ZNF423: variants seen among roughly 807,000 people sequenced by gnomAD.
ZNF423 encodes Ebf-associated zinc finger protein.
A neutral mutation model predicts 95.8 loss-of-function variants in ZNF423; 12 were observed. The ratio of observed to expected loss-of-function variants is 0.13; its 90% CI spans 0.08 to 0.20. ZNF423 has a LOEUF of 0.20. Ranked by LOEUF, ZNF423 falls within the 10% of genes least tolerant of loss-of-function variation. The pLI is 1.00. For synonymous variants in ZNF423, 749 were observed against 711.9 expected, an observed-to-expected ratio of 1.05 and a Z score of -0.83; for missense variants, 1,316 against 1,737.1, an observed-to-expected ratio of 0.76 and a Z score of 4.31.
At chr16:49,604,536 G>C (rs1199330873) in intron 5 of ZNF423, among the ~76,000 whole-genome samples, 1 of 152,112 alleles carries the variant, frequency 6.6e-6, no homozygotes, top group East Asian at 1.9e-4. Flanking sequence ...ATATTAAATA[G>C]TTGCATCACC....
chr16:49,723,939 G>A (rs570940752), intron 3 of ZNF423, among the ~76,000 whole-genome samples: 2 of 152,318 alleles, frequency 1.3e-5, no homozygotes, highest in East Asian at 3.9e-4. Context: ...AATCTGAGCT[G>A]GTTCCTGTCC....
chr16:49,673,397 C>G (rs2030903389), intron 3 of ZNF423, among the ~76,000 whole-genome samples: 1 of 152,210 alleles, frequency 6.6e-6, no homozygotes. Context: ...ATGATCATTT[C>G]ATAGGCATTA....
chr16:49,658,531 G>A (rs1384225348), intron 3 of ZNF423, among the ~76,000 whole-genome samples: 3 of 152,254 alleles, frequency 2.0e-5, no homozygotes, highest in African/African-American at 7.2e-5. Context: ...CTTTGTAGCT[G>A]GGCTGTTGAG....
chr16:49,637,580 C>A lies in ZNF423; in HGVS notation c.1596G>T (p.Met532Ile). 1.9e-6 allele frequency: 3 copies of A among 1,614,050 alleles called. No individual in the cohort carries two copies. Among genetic ancestry groups the A allele is most frequent in the Middle Eastern group, 3.3e-4 (2 of 6,062 alleles). The change falls in exon 4 of 8, where the codon ATG becomes ATT. Residue 532 changes from methionine to isoleucine, a missense_variant. Coordinates refer to ENST00000563137, the MANE Select transcript of ZNF423 (RefSeq NM_001379286.1). The surrounding 1 kb of genome is among the most constrained non-coding windows in gnomAD (Gnocchi z 5.6). The part of the protein sequence containing the change: ...NNAFFCNQCS[M>I]GFLTESSLTE... ...TGAGGGAGGACTCAGTAAGGAAACC[C>A]ATGGAGCACTGGTTGCAGAAGAAAG...
intron 2 of ZNF423, among the ~76,000 whole-genome samples, chr16:49,741,098 A>G (rs1409499648): frequency 6.6e-6 from 1 of 152,070 alleles, no homozygotes; most frequent in Non-Finnish European, 1.5e-5. Context: ...TACAGAAATG[A>G]GTGTACAAGC....
At chr16:49,643,989 G>A (rs1381126323) in intron 3 of ZNF423, among the ~76,000 whole-genome samples, 1 of 152,268 alleles carries the variant, frequency 6.6e-6, no homozygotes, top group Non-Finnish European at 1.5e-5. Context: ...GCTACAGTGT[G>A]TAAAACTGCC....
intron 2 of ZNF423, among the ~76,000 whole-genome samples, chr16:49,771,192 C>CTTTTTTTTTTTTTTTTTTTTT (rs71380376): frequency 1.1e-5 from 1 of 89,436 alleles, no homozygotes. Flanking sequence ...TTTTTTTTTT[C>CTTTTTTTTTTTTTTTTTTTTT]TTTTTTTTTT....
Position 49,855,390 on chromosome 16 carries a change from C to T in ZNF423, c.40+345G>A, listed in dbSNP as rs1370213820. 6.6e-6 allele frequency among the ~76,000 whole-genome samples: 1 copy of T among 151,216 alleles called. No individual in the cohort carries two copies. Among genetic ancestry groups the T allele is most frequent in the Non-Finnish European group, 1.5e-5 (1 of 67,638 alleles). ...CGGGCCAGCACCCCTTGATTGGCCA[C>T]ACGGGCCCGGGCCCCGCACGGAGGG... On this transcript the variant is annotated intron_variant, in intron 1 of 7. Transcript: ENST00000563137. This position sits in a 1 kb window ranked among gnomAD's most constrained non-coding sequence, Gnocchi z 4.7.
At chr16:49,684,175 A>G (rs953408937) in intron 3 of ZNF423, among the ~76,000 whole-genome samples, 7 of 152,170 alleles carry the variant, frequency 4.6e-5, no homozygotes, top group African/African-American at 1.7e-4. Context: ...TATATTAGAC[A>G]CCCTCTGGTT....
rs573520552 is a variant in ZNF423, at chr16:49,677,916, C to T, written c.302-39042G>A. Among the ~76,000 whole-genome samples the T allele has an allele frequency of 2.0e-5, 3 of 152,252 alleles. No individual in the cohort carries two copies. In the South Asian group the frequency reaches 6.2e-4, roughly 32 times the overall value. On this transcript the variant is annotated intron_variant, in intron 3 of 7. Coordinates refer to ENST00000563137, the MANE Select transcript of ZNF423 (RefSeq NM_001379286.1). Reference sequence around the variant, plus strand: ...GACATTTTTTGGCCAGGCGCAGTGGCTCACACTTGTAATCCCAACACTTTG... The same window carrying T: ...GACATTTTTTGGCCAGGCGCAGTGGTTCACACTTGTAATCCCAACACTTTG...
intron 5 of ZNF423, among the ~76,000 whole-genome samples, chr16:49,533,352 G>A (rs550509417): frequency 3.3e-5 from 5 of 152,310 alleles, no homozygotes; most frequent in African/African-American, 1.2e-4. Context: ...GGAAGGGCTG[G>A]CTGCCTCAAC....
chr16:49,838,755 C>A (rs1380700676), intron 1 of ZNF423, among the ~76,000 whole-genome samples: 1 of 151,778 alleles, frequency 6.6e-6, no homozygotes, highest in Non-Finnish European at 1.5e-5. Flanking sequence ...CCACCCGGGC[C>A]GCGTGAGCGA....
chr16:49,635,692 G>A lies in ZNF423; in HGVS notation c.3484C>T (p.Arg1162Trp), dbSNP rs754257608. Reference sequence around the variant, plus strand: ...ACTGGCGATGTCTGGGTGCCTTTCCGGGGCCCACTGGTCTCCGGCGTGAGG... The same window carrying A: ...ACTGGCGATGTCTGGGTGCCTTTCCAGGGCCCACTGGTCTCCGGCGTGAGG... ...RDLTPETSGP[R>W]KGTQTSPVPR... Residue 1162 changes from arginine (R) to tryptophan (W), a missense_variant, in exon 4 of 8, where the codon CGG (arginine) becomes TGG (tryptophan). This residue lies in a region of ZNF423 where 620 missense variants were observed against 775.6 expected (regional missense o/e 0.80). Coordinates refer to ENST00000563137, the MANE Select transcript of ZNF423 (RefSeq NM_001379286.1). This position sits in a 1 kb window ranked among gnomAD's most constrained non-coding sequence, Gnocchi z 4.8. 7 of 1,591,700 alleles carry A rather than the reference G, an allele frequency of 4.4e-6. No individual in the cohort carries two copies. The highest frequency in any genetic ancestry group is 3.7e-5 in the Admixed American group (2 of 54,696).
At chr16:49,582,864 C>G (rs4785327) in intron 5 of ZNF423, among the ~76,000 whole-genome samples, 19,643 of 152,212 alleles carry the variant, frequency 0.13, 1,358 homozygotes, top group Admixed American at 0.16. Flanking sequence ...AATGCTATCA[C>G]AGGATAAACC....
chr16:49,500,546 G>T (rs1231516394), intron 7 of ZNF423, among the ~76,000 whole-genome samples: 1 of 152,116 alleles, frequency 6.6e-6, no homozygotes, highest in Non-Finnish European at 1.5e-5. Context: ...GATGCTGCTG[G>T]GCCAGGAATC....
intron 5 of ZNF423, among the ~76,000 whole-genome samples, chr16:49,551,536 T>C (rs1017386776): frequency 3.3e-5 from 5 of 151,986 alleles, no homozygotes; most frequent in Non-Finnish European, 7.4e-5. Flanking sequence ...TCCCAGGAGG[T>C]CCCGAGGCCA....
intron 7 of ZNF423, among the ~76,000 whole-genome samples, chr16:49,495,633 G>T (rs1441397000): frequency 1.3e-5 from 2 of 152,230 alleles, no homozygotes; most frequent in African/African-American, 2.4e-5. Flanking sequence ...TTTTGTGCAT[G>T]GAAGGAGCGG....
At chr16:49,549,227 G>A (rs1969544444) in intron 5 of ZNF423, among the ~76,000 whole-genome samples, 1 of 152,176 alleles carries the variant, frequency 6.6e-6, no homozygotes, top group Non-Finnish European at 1.5e-5. Context: ...GTGAATGGGG[G>A]GCAGGAGAGA....
At chr16:49,697,545 C>A (rs997494552) in intron 3 of ZNF423, among the ~76,000 whole-genome samples, 8 of 151,894 alleles carry the variant, frequency 5.3e-5, no homozygotes, top group African/African-American at 1.9e-4. Flanking sequence ...GCCAGACTGA[C>A]ACGCAGGTTT....
Sources: allele counts gnomAD v4.1 joint callset (sites outside exome capture counted in the v4.1 genomes callset), GRCh38; gene constraint gnomAD v4.1.1; regional missense constraint gnomAD v4.1.1; non-coding constraint Gnocchi (gnomAD v3.1); transcripts MANE v1.5; gene names NCBI Gene and HGNC (gene_info 2026-07-23, HGNC 2026-07-21).